FTCDNL1: variants seen among roughly 807,000 people sequenced by gnomAD.
The protein encoded by FTCDNL1 is formiminotransferase N-terminal subdomain-containing protein.
In FTCDNL1, 11 loss-of-function variants were observed where a neutral mutation model predicts 5.9. The ratio of observed to expected loss-of-function variants is 1.87; its 90% CI spans 1.18 to 3.10. The LOEUF is 3.10. Among genes scored for constraint, FTCDNL1 ranks in the 30% most tolerant of loss-of-function variants. FTCDNL1 has a pLI of 0.00. For missense variants in FTCDNL1, 115 were observed against 65.5 expected (o/e 1.76, Z -2.61); for synonymous variants, 58 against 24.8 (o/e 2.34, Z -3.99).
the FTCDNL1 span, among the ~76,000 whole-genome samples, chr2:199,726,740 C>T: frequency 6.6e-6 from 1 of 152,184 alleles, no homozygotes; most frequent in Non-Finnish European, 1.5e-5. Context: ...GAGGTATCAC[C>T]AATGGAGGCT....
intron 3 of FTCDNL1, among the ~76,000 whole-genome samples, chr2:199,834,415 C>G (rs1308686645): frequency 6.6e-6 from 1 of 152,160 alleles, no homozygotes; most frequent in African/African-American, 2.4e-5. Flanking sequence ...CTTTCATTCT[C>G]TGATGGGAAG....
At position 199,815,999 on chromosome 2, in the gene FTCDNL1, C is replaced by CA. The variant is rs769713438; in HGVS notation, c.398-3276dup. Among the ~76,000 whole-genome samples, 281 of 107,040 alleles carry CA rather than the reference C, an allele frequency of 2.6e-3. 2 individuals are homozygous for CA. Among genetic ancestry groups the CA allele is most frequent in the African/African-American group, 7.8e-3 (229 of 29,384 alleles). 70.2% of individuals were successfully genotyped at this position (107,040 alleles called of 152,430 possible). ...TGGGTGACAGAGCGAGACTCCATCT[C>CA]AAAAAAAAAAGAAAGAAAGAAAGAA... On this transcript the variant is annotated intron_variant, in intron 4 of 4. Coordinates refer to ENST00000420128, the MANE Select transcript of FTCDNL1 (RefSeq NM_001363886.2).
intron 3 of FTCDNL1, among the ~76,000 whole-genome samples, chr2:199,845,102 TG>T (rs1224467929): frequency 6.6e-6 from 1 of 152,158 alleles, no homozygotes; most frequent in African/African-American, 2.4e-5. Context: ...ATTTTAGTTT[TG>T]CTCTTATCCA....
At chr2:199,824,615 A>C (rs958040134) in intron 3 of FTCDNL1, among the ~76,000 whole-genome samples, 1 of 152,206 alleles carries the variant, frequency 6.6e-6, no homozygotes, top group Non-Finnish European at 1.5e-5. Context: ...AAGATGTGAG[A>C]CTATTCCTTT....
rs184142818 is a variant in FTCDNL1 at position 199,834,836 on chromosome 2, T to C, written c.211+11239A>G. On this transcript the variant is annotated intron_variant, in intron 3 of 4. Transcript: ENST00000420128. ...TCTCTTTCTAATTTCGTTGCTACGTTATATAAACTTTGTGCAATGCTTTCC... is the reference window on the plus strand; with the variant it reads ...TCTCTTTCTAATTTCGTTGCTACGTCATATAAACTTTGTGCAATGCTTTCC... 4.5e-4 allele frequency among the ~76,000 whole-genome samples: 69 copies of C among 152,282 alleles called. 1 individual carries two copies. Among genetic ancestry groups the C allele is most frequent in the Non-Finnish European group, 8.2e-4 (56 of 68,022 alleles).
At chr2:199,821,965 G>T (rs1019539164) in intron 3 of FTCDNL1, among the ~76,000 whole-genome samples, 3 of 152,088 alleles carry the variant, frequency 2.0e-5, no homozygotes, top group African/African-American at 7.2e-5. Flanking sequence ...AGCAAATATC[G>T]CTGGCAAATA....
the FTCDNL1 span, among the ~76,000 whole-genome samples, chr2:199,752,420 T>A: frequency 6.6e-6 from 1 of 152,216 alleles, no homozygotes; most frequent in Non-Finnish European, 1.5e-5. Context: ...TTGGGATGTT[T>A]CTATGAGGGT....
intron 3 of FTCDNL1, among the ~76,000 whole-genome samples, chr2:199,827,671 GA>G (rs150116417): frequency 0.023 from 3,510 of 149,514 alleles, 60 homozygotes; most frequent in Non-Finnish European, 0.039. Context: ...GAAAGAAAAG[GA>G]AAAAAAAAGA....
intron 3 of FTCDNL1, among the ~76,000 whole-genome samples, chr2:199,839,586 A>T (rs1383333002): frequency 6.6e-6 from 1 of 152,152 alleles, no homozygotes; most frequent in South Asian, 2.1e-4. Flanking sequence ...GAATAAAAGG[A>T]CTCACCAAGT....
the FTCDNL1 span, among the ~76,000 whole-genome samples, chr2:199,707,894 G>A: frequency 4.6e-5 from 7 of 152,046 alleles, no homozygotes; most frequent in African/African-American, 1.4e-4. Context: ...GGCTTTATAG[G>A]AGTTTGATTC....
intron 3 of FTCDNL1, among the ~76,000 whole-genome samples, chr2:199,774,496 A>T (rs957519986): frequency 6.6e-6 from 1 of 152,064 alleles, no homozygotes; most frequent in Non-Finnish European, 1.5e-5. Flanking sequence ...TGAGGGGTAC[A>T]TGTTGTCTTA....
At chr2:199,832,015 CA>C (rs1702404928) in intron 3 of FTCDNL1, among the ~76,000 whole-genome samples, 2 of 152,120 alleles carry the variant, frequency 1.3e-5, no homozygotes, top group South Asian at 4.1e-4. Context: ...GATACAGATA[CA>C]AGTATTCATG....
the FTCDNL1 span, among the ~76,000 whole-genome samples, chr2:199,715,570 T>C: frequency 1.3e-5 from 2 of 152,226 alleles, no homozygotes; most frequent in South Asian, 2.1e-4. Flanking sequence ...AACTTCTTTT[T>C]CTTTATAAAT....
chr2:199,845,085 C>T, intron 3 of FTCDNL1, among the ~76,000 whole-genome samples: 1 of 151,758 alleles, frequency 6.6e-6, no homozygotes, highest in Non-Finnish European at 1.5e-5. Flanking sequence ...TTTTTTAAAG[C>T]TTACTTATTT....
intron 3 of FTCDNL1, among the ~76,000 whole-genome samples, chr2:199,823,737 A>G (rs1490520499): frequency 1.3e-5 from 2 of 152,198 alleles, no homozygotes; most frequent in Non-Finnish European, 2.9e-5. Context: ...GCATTTATAG[A>G]GCACAGACAG....
the FTCDNL1 span, among the ~76,000 whole-genome samples, chr2:199,674,439 G>A: frequency 6.6e-6 from 1 of 152,134 alleles, no homozygotes; most frequent in East Asian, 1.9e-4. Flanking sequence ...GAATAATAGT[G>A]AAGCAGCTCA....
At chr2:199,687,033 AT>A in the FTCDNL1 span, among the ~76,000 whole-genome samples, 2 of 152,314 alleles carry the variant, frequency 1.3e-5, no homozygotes, top group Non-Finnish European at 2.9e-5. Context: ...AATGGTTGAT[AT>A]TTTTAGCCTC....
intron 3 of FTCDNL1, among the ~76,000 whole-genome samples, chr2:199,831,143 T>C (rs1259485635): frequency 1.3e-5 from 2 of 152,082 alleles, no homozygotes; most frequent in Non-Finnish European, 2.9e-5. Context: ...CTAAGAAAAA[T>C]TTCACTTGCA....
the FTCDNL1 span, among the ~76,000 whole-genome samples, chr2:199,713,705 GA>G: frequency 6.6e-6 from 1 of 152,142 alleles, no homozygotes; most frequent in African/African-American, 2.4e-5. Flanking sequence ...AGAATGTAAA[GA>G]ATTTTTTTCT....
Sources: allele counts gnomAD v4.1 joint callset (sites outside exome capture counted in the v4.1 genomes callset), GRCh38; gene constraint gnomAD v4.1.1; transcripts MANE v1.5; gene names NCBI Gene and HGNC (gene_info 2026-07-23, HGNC 2026-07-21).